The following CCDC91 variants were observed in gnomAD, a reference collection of about 807,000 sequenced individuals.
The protein encoded by CCDC91 is coiled-coil domain containing 91, also known as coiled-coil domain-containing protein 91.
In CCDC91, 48 loss-of-function variants were observed where a neutral mutation model predicts 63.2. That is an observed-to-expected ratio of 0.76 (90% CI 0.60 to 0.97). The LOEUF (loss-of-function observed/expected upper bound fraction) is 0.97. Ranked by LOEUF, CCDC91 falls within the 50% of genes least tolerant of loss-of-function variation. The pLI is 0.00. For missense variants in CCDC91, 500 were observed against 494.6 expected (o/e 1.01, Z -0.10); for synonymous variants, 167 against 165.8 (o/e 1.01, Z -0.06).
At chr12:28,301,239 G>A (rs1291348712) in intron 3 of CCDC91, among the ~76,000 whole-genome samples, 3 of 151,458 alleles carry the variant, frequency 2.0e-5, no homozygotes, top group East Asian at 1.9e-4. Context: ...CTTAAAAAGC[G>A]TCCATCAGTT....
intron 12 of CCDC91, among the ~76,000 whole-genome samples, chr12:28,517,749 A>G (rs1940109889): frequency 6.6e-6 from 1 of 151,812 alleles, no homozygotes; most frequent in African/African-American, 2.4e-5. Flanking sequence ...AGCAGTATAC[A>G]CTGCACCCAA....
At chr12:28,437,878 T>C (rs1317393245) in intron 8 of CCDC91, among the ~76,000 whole-genome samples, 1 of 152,126 alleles carries the variant, frequency 6.6e-6, no homozygotes, top group Non-Finnish European at 1.5e-5. Flanking sequence ...CAATAAAGTA[T>C]TCTTTTGTCA....
intron 11 of CCDC91, among the ~76,000 whole-genome samples, chr12:28,475,563 C>CT: frequency 6.6e-6 from 1 of 152,140 alleles, no homozygotes; most frequent in Non-Finnish European, 1.5e-5. Context: ...TACAGAACAA[C>CT]TTTAAAATTA....
At position 28,280,992 on chromosome 12, in the gene CCDC91, A is replaced by AAAT. The variant is rs1948576232; in HGVS notation, c.109+21552_109+21553insTAA. The stretch of plus-strand genomic sequence containing the variant: ...ATTCTGTCTAAAAAAATAAATAAAT[A>AAAT]AAAAGATATCCTATGCAATATGGCT... On this transcript the variant is annotated intron_variant, in intron 3 of 12. Transcript: ENST00000536442. Among the ~76,000 whole-genome samples the AAAT allele has an allele frequency of 1.3e-4, 19 of 151,858 alleles. No individual in the cohort carries two copies. In the South Asian group the frequency reaches 4.3e-3, roughly 34 times the overall value.
intron 7 of CCDC91, among the ~76,000 whole-genome samples, chr12:28,375,028 A>G (rs1468842394): frequency 2.0e-5 from 3 of 152,070 alleles, no homozygotes; most frequent in Admixed American, 1.3e-4. Flanking sequence ...ACTGCTAAGT[A>G]CTTCTGTTAG....
Position 28,304,388 on chromosome 12 carries a change from A to ATCT in CCDC91, c.110-1261_110-1260insTCT, listed in dbSNP as rs1565764705. Among the ~76,000 whole-genome samples, 4 of 35,846 alleles carry ATCT rather than the reference A, an allele frequency of 1.1e-4. No homozygotes were observed. The East Asian group carries it at 3.0e-3, about 27-fold the overall frequency. The allele number at this position is 35,846 out of a possible 152,430, so 23.5% of individuals were successfully genotyped here. A position where few individuals can be genotyped will look rare whatever the true frequency, so the allele number is the denominator to read the frequency against. On this transcript the variant is annotated intron_variant, in intron 3 of 12. Transcript: ENST00000536442. Reference sequence around the variant, plus strand: ...TGAGACTCCGTCTAAAAAAAAAAAAAAAAAAAAAAAAAAGAAAAAAAAAAA... The same window carrying ATCT: ...TGAGACTCCGTCTAAAAAAAAAAAAATCTAAAAAAAAAAAAAGAAAAAAAAAAA...
At chr12:28,219,241 A>G (rs1247235117) in intron 1 of CCDC91, among the ~76,000 whole-genome samples, 1 of 152,110 alleles carries the variant, frequency 6.6e-6, no homozygotes, top group Admixed American at 6.6e-5. Flanking sequence ...AGATTATTAG[A>G]TCTTTTATAA....
chr12:28,194,850 C>T (rs115542457), intron 1 of CCDC91, among the ~76,000 whole-genome samples: 2,270 of 152,082 alleles, frequency 0.015, 67 homozygotes, highest in African/African-American at 0.052. Flanking sequence ...GTGGCGTGTC[C>T]GGAGTTGTTC....
intron 7 of CCDC91, among the ~76,000 whole-genome samples, chr12:28,376,478 A>G (rs1357650280): frequency 6.6e-6 from 1 of 151,858 alleles, no homozygotes; most frequent in East Asian, 1.9e-4. Context: ...AGATTAAAAA[A>G]AACAAAAACT....
chr12:28,437,130 A>G (rs544249793), intron 8 of CCDC91, among the ~76,000 whole-genome samples: 5 of 150,708 alleles, frequency 3.3e-5, no homozygotes, highest in South Asian at 2.1e-4. Flanking sequence ...ATAAAATTCC[A>G]TCCATGATTT....
intron 12 of CCDC91, among the ~76,000 whole-genome samples, chr12:28,532,189 A>T (rs1249086872): frequency 2.6e-5 from 4 of 152,164 alleles, no homozygotes; most frequent in Non-Finnish European, 5.9e-5. Context: ...AAATGAGCAA[A>T]TGGAATACCT....
intron 11 of CCDC91, among the ~76,000 whole-genome samples, chr12:28,454,070 ATG>A (rs1428156208): frequency 1.3e-5 from 2 of 152,192 alleles, no homozygotes; most frequent in East Asian, 3.8e-4. Context: ...CAATCTAAAC[ATG>A]TCTTGAATAA....
In CCDC91 at chr12:28,501,670, T is replaced by C. The variant is rs1592866517; in HGVS notation, c.1215+17505T>C. Among the ~76,000 whole-genome samples the C allele has an allele frequency of 3.3e-5, 5 of 151,970 alleles. 1 individual carries two copies. Among genetic ancestry groups the C allele is most frequent in the African/African-American group, 1.2e-4 (5 of 41,430 alleles). ...CAAGGATATTGGTCTAAAATTCTCT[T>C]TTTTGGTTGTGTCTCTGCCTGGCTT... On this transcript the variant is annotated intron_variant, in intron 12 of 12. Transcript: ENST00000536442.
At chr12:28,267,647 A>T (rs1293200200) in intron 3 of CCDC91, among the ~76,000 whole-genome samples, 1 of 123,160 alleles carries the variant, frequency 8.1e-6, no homozygotes, top group African/African-American at 3.0e-5. Flanking sequence ...TAATTAATAT[A>T]TATACCCAAT....
intron 3 of CCDC91, among the ~76,000 whole-genome samples, chr12:28,279,437 T>C (rs1948454456): frequency 6.6e-6 from 1 of 152,136 alleles, no homozygotes; most frequent in Non-Finnish European, 1.5e-5. Flanking sequence ...GAGCAATCTA[T>C]TCTTAAGGTG....
intron 12 of CCDC91, among the ~76,000 whole-genome samples, chr12:28,516,444 A>C (rs573521404): frequency 6.6e-6 from 1 of 151,984 alleles, no homozygotes; most frequent in South Asian, 2.1e-4. Context: ...CTCTACAAAA[A>C]ATACAAACAT....
chr12:28,211,900 C>T (rs1404247359), intron 1 of CCDC91, among the ~76,000 whole-genome samples: 1 of 152,074 alleles, frequency 6.6e-6, no homozygotes, highest in Non-Finnish European at 1.5e-5. Context: ...CTTTGTGACC[C>T]AGTCAGATGT....
chr12:28,426,949 G>T (rs1948353256), intron 8 of CCDC91, among the ~76,000 whole-genome samples: 1 of 152,094 alleles, frequency 6.6e-6, no homozygotes, highest in South Asian at 2.1e-4. Context: ...AGTAGGCTAT[G>T]TTTAATATTT....
chr12:28,433,924 T>G (rs936969944), intron 8 of CCDC91, among the ~76,000 whole-genome samples: 56 of 152,026 alleles, frequency 3.7e-4, no homozygotes, highest in African/African-American at 1.3e-3. Context: ...TTTTGGTAGA[T>G]TGGTAATTAC....
Sources: allele counts gnomAD v4.1 joint callset (sites outside exome capture counted in the v4.1 genomes callset), GRCh38; gene constraint gnomAD v4.1.1; transcripts MANE v1.5; gene names NCBI Gene and HGNC (gene_info 2026-07-23, HGNC 2026-07-21).